WWOX: variants seen among roughly 807,000 people sequenced by gnomAD.
The protein encoded by WWOX is WW domain containing oxidoreductase.
Under a neutral mutation model 46.2 loss-of-function variants are expected in WWOX, and 69 were observed. The ratio of observed to expected loss-of-function variants is 1.49; its 90% CI spans 1.23 to 1.82. The LOEUF (loss-of-function observed/expected upper bound fraction) is 1.82, where lower values mean the gene tolerates loss of function less well. Ranked by LOEUF, WWOX falls within the 40% of genes most tolerant of loss-of-function variation. WWOX has a pLI of 0.00. For missense variants in WWOX, 919 were observed against 542.6 expected, an observed-to-expected ratio of 1.69 and a Z score of -6.89; for synonymous variants, 359 against 202.6, an observed-to-expected ratio of 1.77 and a Z score of -6.56.
At chr16:78,950,925 G>C (rs973556891) in intron 8 of WWOX, among the ~76,000 whole-genome samples, 4 of 152,176 alleles carry the variant, frequency 2.6e-5, no homozygotes, top group Non-Finnish European at 4.4e-5. Context: ...ACATTGTCCA[G>C]ATTTTCAGTC....
chr16:79,079,909 C>G (rs771569667), intron 8 of WWOX, among the ~76,000 whole-genome samples: 1 of 151,954 alleles, frequency 6.6e-6, no homozygotes, highest in Non-Finnish European at 1.5e-5. Flanking sequence ...TGAAAATAAG[C>G]GGAAAGATCC....
chr16:78,485,187 T>A (rs1381266093), intron 8 of WWOX, among the ~76,000 whole-genome samples: 5 of 152,166 alleles, frequency 3.3e-5, no homozygotes. Context: ...AATTTTAAGT[T>A]CACAGCAAAA....
At chr16:78,676,316 C>T (rs1455337453) in intron 8 of WWOX, among the ~76,000 whole-genome samples, 2 of 151,984 alleles carry the variant, frequency 1.3e-5, no homozygotes, top group Non-Finnish European at 2.9e-5. Flanking sequence ...CAGACTTTGT[C>T]CCCTTTTGTT....
intron 8 of WWOX, among the ~76,000 whole-genome samples, chr16:78,591,785 G>T (rs2045358176): frequency 6.6e-6 from 1 of 152,252 alleles, no homozygotes; most frequent in East Asian, 1.9e-4. Context: ...GGGTGGCCTG[G>T]GGTTATTCTA....
intron 8 of WWOX, among the ~76,000 whole-genome samples, chr16:78,655,087 C>G (rs2047051062): frequency 6.6e-6 from 1 of 152,124 alleles, no homozygotes; most frequent in Non-Finnish European, 1.5e-5. Flanking sequence ...TGGCCTGCAT[C>G]CTGGTCCTTA....
rs72628243 is a variant in WWOX, at chr16:78,403,307, C to G, written c.605+16359C>G. Among the ~76,000 whole-genome samples, 1,068 of 152,292 alleles carry G rather than the reference C, an allele frequency of 7.0e-3. 26 individuals carry two copies. The East Asian group carries it at 0.087, about 12-fold the overall frequency. On this transcript the variant is annotated intron_variant, in intron 6 of 8. Coordinates refer to ENST00000566780, the MANE Select transcript of WWOX (RefSeq NM_016373.4). ...TGTATAAAGTGTATTTAAATAAACT[C>G]TCTTTGCATGATGTGAATGAAATCG...
intron 8 of WWOX, among the ~76,000 whole-genome samples, chr16:79,125,870 A>C (rs1291491445): frequency 6.6e-6 from 1 of 152,244 alleles, no homozygotes; most frequent in Non-Finnish European, 1.5e-5. Flanking sequence ...TGTTGAAATT[A>C]TCAAAGATTA....
Position 78,843,449 on chromosome 16 carries a change from G to A in WWOX, c.1057-368159G>A, listed in dbSNP as rs138227060. ...TAAGATGCGAATGCCCAGCTCAGGG[G>A]ATGAGATTACTGTCAGCTTTGCCTA... On this transcript the variant is annotated intron_variant, in intron 8 of 8. Coordinates refer to ENST00000566780, the MANE Select transcript of WWOX (RefSeq NM_016373.4). 6.2e-4 allele frequency among the ~76,000 whole-genome samples: 93 copies of A among 150,186 alleles called. 4 individuals are homozygous for A. Among genetic ancestry groups the A allele is most frequent in the African/African-American group, 2.1e-3 (88 of 41,406 alleles).
At chr16:79,047,685 T>C (rs1355658929) in intron 8 of WWOX, among the ~76,000 whole-genome samples, 39 of 145,544 alleles carry the variant, frequency 2.7e-4, no homozygotes, top group African/African-American at 9.5e-4. Flanking sequence ...TTTTTTTTTT[T>C]TTTTTTTTTT....
At chr16:78,845,220 A>G (rs940233024) in intron 8 of WWOX, among the ~76,000 whole-genome samples, 1 of 151,616 alleles carries the variant, frequency 6.6e-6, no homozygotes, top group Non-Finnish European at 1.5e-5. Context: ...CTGTGAAAAA[A>G]TACTGCCTAT....
chr16:78,732,122 CA>C (rs1203170007), intron 8 of WWOX, among the ~76,000 whole-genome samples: 1 of 152,072 alleles, frequency 6.6e-6, no homozygotes, highest in East Asian at 1.9e-4. Context: ...CCGTGGTCTC[CA>C]AAAGTGCTGG....
chr16:78,395,808 A>G (rs1487374409), intron 6 of WWOX, among the ~76,000 whole-genome samples: 1 of 151,504 alleles, frequency 6.6e-6, no homozygotes, highest in African/African-American at 2.4e-5. Context: ...TTCTTGATTT[A>G]TGCTGATGGA....
intron 8 of WWOX, among the ~76,000 whole-genome samples, chr16:78,549,361 G>T (rs180788841): frequency 5.7e-4 from 87 of 152,252 alleles, no homozygotes; most frequent in Middle Eastern, 3.4e-3. Flanking sequence ...ATATTTGTTC[G>T]AGTCACTTGC....
At chr16:78,777,902 G>C (rs2050231211) in intron 8 of WWOX, among the ~76,000 whole-genome samples, 1 of 151,996 alleles carries the variant, frequency 6.6e-6, no homozygotes, top group Non-Finnish European at 1.5e-5. Context: ...AAAATGAGCT[G>C]GGTGTGGTGG....
At chr16:78,685,446 T>G (rs2047832365) in intron 8 of WWOX, among the ~76,000 whole-genome samples, 1 of 152,194 alleles carries the variant, frequency 6.6e-6, no homozygotes, top group African/African-American at 2.4e-5. Context: ...CTCCTAATAG[T>G]CACTTTTGTT....
At chr16:78,673,485 T>C (rs929635952) in intron 8 of WWOX, among the ~76,000 whole-genome samples, 31 of 152,244 alleles carry the variant, frequency 2.0e-4, no homozygotes, top group African/African-American at 6.7e-4. Context: ...AAACAGGGCT[T>C]CCAGGAAACT....
chr16:79,112,496 C>T (rs1456073460), intron 8 of WWOX, among the ~76,000 whole-genome samples: 2 of 152,138 alleles, frequency 1.3e-5, no homozygotes, highest in African/African-American at 2.4e-5. Context: ...TTCTCCTTCC[C>T]CCACCCTGCG....
chr16:78,591,723 C>T (rs1450755416), intron 8 of WWOX, among the ~76,000 whole-genome samples: 4 of 152,150 alleles, frequency 2.6e-5, no homozygotes, highest in African/African-American at 7.2e-5. Context: ...ACTAAAGTAC[C>T]TGATTGAGTA....
intron 8 of WWOX, among the ~76,000 whole-genome samples, chr16:78,724,197 T>C (rs2048769094): frequency 1.3e-5 from 2 of 152,192 alleles, no homozygotes; most frequent in African/African-American, 4.8e-5. Flanking sequence ...TAACCTGTAA[T>C]TAAATCTTTA....
Sources: gnomAD v4.1 joint callset for allele counts (sites outside exome capture counted in the v4.1 genomes callset) on GRCh38, gnomAD v4.1.1 for gene constraint, MANE v1.5 for transcripts, NCBI Gene and HGNC (gene_info 2026-07-23, HGNC 2026-07-21) for gene names.